FGF13: variants seen among roughly 807,000 people sequenced by gnomAD.
FGF13 encodes the protein fibroblast growth factor homologous factor 2.
In FGF13, 2 loss-of-function variants were observed where a neutral mutation model predicts 19.5. That is an observed-to-expected ratio of 0.10 (90% CI 0.04 to 0.32). The LOEUF (loss-of-function observed/expected upper bound fraction) is 0.32, where lower values mean the gene tolerates loss of function less well. FGF13 is among the 10% of genes least tolerant of loss of function. The probability of loss-of-function intolerance (pLI) is 1.00; values close to 1 mark genes in which losing one functional copy is unlikely to be tolerated. For missense variants in FGF13, 113 were observed against 192.7 expected, an observed-to-expected ratio of 0.59 and a Z score of 2.45; for synonymous variants, 72 against 76.9, an observed-to-expected ratio of 0.94 and a Z score of 0.33.
chrX:138,913,644 GGAAGGAAGGAAGGA>G (rs2091601363), intron 1 of FGF13, among the ~76,000 whole-genome samples: 1 of 12,241 alleles, frequency 8.2e-5, no homozygotes. Flanking sequence ...GATGGAGGAA[GGAAGGAAGGAAGGA>G]AGGAAGGAAG....
rs1370431230 is a variant in FGF13, at chrX:138,843,805, A to C, written c.217+13707T>G. Among the ~76,000 whole-genome samples the C allele has an allele frequency of 2.7e-5, 3 of 111,868 alleles. No homozygotes were observed. The Admixed American group carries it at 2.8e-4, about 11-fold the overall frequency. On this transcript the variant is annotated intron_variant, in intron 3 of 6. Transcript: ENST00000436198. Reference sequence around the variant, plus strand: ...TTTAATTTCTTATTTTTTTAATCCCAAAAACACATAGCCTATTTCCTCCCT... The same window carrying C: ...TTTAATTTCTTATTTTTTTAATCCCCAAAACACATAGCCTATTTCCTCCCT...
chrX:139,152,338 C>T (rs2083941367), intron 1 of FGF13, among the ~76,000 whole-genome samples: 1 of 95,573 alleles, frequency 1.0e-5, no homozygotes, highest in Non-Finnish European at 2.3e-5. Flanking sequence ...AAAAAAAAAA[C>T]GACGAGGCCA....
At chrX:139,128,922 T>G (rs1296183725) in intron 1 of FGF13, among the ~76,000 whole-genome samples, 1 of 110,332 alleles carries the variant, frequency 9.1e-6, no homozygotes. Context: ...TTACTAGACC[T>G]TCTGCAGTCT....
chrX:139,000,001 T>C (rs1439419906), intron 1 of FGF13, among the ~76,000 whole-genome samples: 2 of 112,011 alleles, frequency 1.8e-5, no homozygotes, highest in Admixed American at 1.9e-4. Flanking sequence ...TCAAGTAGGC[T>C]TCATTCCTGG....
chrX:138,692,388 T>G (rs2089846998), intron 3 of FGF13, among the ~76,000 whole-genome samples: 1 of 98,236 alleles, frequency 1.0e-5, no homozygotes, highest in Non-Finnish European at 2.1e-5. Context: ...TGTTGAGCTG[T>G]TTTTTTTTTT....
intron 3 of FGF13, among the ~76,000 whole-genome samples, chrX:138,761,954 G>A (rs1398717645): frequency 9.2e-6 from 1 of 108,785 alleles, no homozygotes; most frequent in Non-Finnish European, 1.9e-5. Flanking sequence ...TTTTCTCTAG[G>A]TAAGTGCTAT....
At chrX:138,828,822 T>A (rs967919617) in intron 3 of FGF13, among the ~76,000 whole-genome samples, 1 of 110,913 alleles carries the variant, frequency 9.0e-6, no homozygotes, top group Non-Finnish European at 1.9e-5. Flanking sequence ...ATTGTGGTCT[T>A]CAATTCAGAA....
At chrX:139,010,779 C>T (rs777013535) in intron 1 of FGF13, among the ~76,000 whole-genome samples, 64 of 109,366 alleles carry the variant, frequency 5.9e-4, no homozygotes, top group African/African-American at 1.8e-3. Flanking sequence ...ACCCAAACCC[C>T]GCAGAAGAAA....
intron 3 of FGF13, among the ~76,000 whole-genome samples, chrX:138,755,820 T>C (rs182814206): frequency 2.7e-5 from 3 of 112,288 alleles, no homozygotes; most frequent in East Asian, 2.8e-4. Context: ...CAGTGTGTTA[T>C]GGATTGAATT....
intron 1 of FGF13, among the ~76,000 whole-genome samples, chrX:139,033,843 G>A (rs753636187): frequency 8.9e-6 from 1 of 111,804 alleles, no homozygotes; most frequent in East Asian, 2.8e-4. Context: ...CATAGAGCAA[G>A]TGTTAACTAA....
intron 1 of FGF13, among the ~76,000 whole-genome samples, chrX:139,194,693 G>A (rs2084358115): frequency 9.0e-6 from 1 of 111,432 alleles, no homozygotes; most frequent in Non-Finnish European, 1.9e-5. Context: ...GCGCCTCCCT[G>A]AGCCCCGCCC....
intron 1 of FGF13, among the ~76,000 whole-genome samples, chrX:139,201,347 T>C (rs111308972): frequency 6.2e-5 from 7 of 112,160 alleles, no homozygotes; most frequent in African/African-American, 1.6e-4. Context: ...AACACTGTAC[T>C]CTATAATAAT....
chrX:138,674,565 A>G (rs2089646094), intron 3 of FGF13, among the ~76,000 whole-genome samples: 1 of 110,961 alleles, frequency 9.0e-6, no homozygotes, highest in African/African-American at 3.3e-5. Context: ...AAGCAAGCTG[A>G]AAGAGGGAGT....
chrX:138,879,800 G>C (rs1002649495), intron 1 of FGF13, among the ~76,000 whole-genome samples: 2 of 111,162 alleles, frequency 1.8e-5, no homozygotes, highest in Admixed American at 1.9e-4. Context: ...AACACCAAAA[G>C]CAATGGCAGC....
chrX:139,009,974 A>G (rs1461630155), intron 1 of FGF13, among the ~76,000 whole-genome samples: 1 of 112,058 alleles, frequency 8.9e-6, no homozygotes, highest in Non-Finnish European at 1.9e-5. Flanking sequence ...TACTCCATGT[A>G]AATGCACACC....
chrX:139,101,263 A>C (rs2083511025), intron 1 of FGF13, among the ~76,000 whole-genome samples: 2 of 112,392 alleles, frequency 1.8e-5, no homozygotes, highest in African/African-American at 6.5e-5. Flanking sequence ...ATAGTCTACT[A>C]TCCCTCCACA....
intron 3 of FGF13, among the ~76,000 whole-genome samples, chrX:138,650,959 A>G (rs1483929562): frequency 8.9e-6 from 1 of 111,770 alleles, no homozygotes; most frequent in Non-Finnish European, 1.9e-5. Context: ...GCTACAAAAC[A>G]CACTTTGGTG....
At chrX:138,836,083 T>C (rs1428682109) in intron 3 of FGF13, among the ~76,000 whole-genome samples, 1 of 111,472 alleles carries the variant, frequency 9.0e-6, no homozygotes, top group Non-Finnish European at 1.9e-5. Flanking sequence ...CCTTTTTAGG[T>C]GACCTGGCCT....
chrX:139,070,599 A>G (rs1446547310), intron 1 of FGF13, among the ~76,000 whole-genome samples: 2 of 112,090 alleles, frequency 1.8e-5, no homozygotes, highest in Non-Finnish European at 3.8e-5. Flanking sequence ...AACCAGAAAT[A>G]CTATTTGACC....
Sources: gnomAD v4.1 joint callset for allele counts (sites outside exome capture counted in the v4.1 genomes callset) on GRCh38, gnomAD v4.1.1 for gene constraint, MANE v1.5 for transcripts, NCBI Gene and HGNC (gene_info 2026-07-23, HGNC 2026-07-21) for gene names.